Variants in RBFOX1 observed in about 807,000 individuals in gnomAD.
The protein encoded by RBFOX1 is RNA binding protein fox-1 homolog 1.
In RBFOX1, 8 loss-of-function variants were observed where a neutral mutation model predicts 57.7. The observed-to-expected ratio is 0.14, with a 90% CI of 0.08 to 0.25. RBFOX1 has a LOEUF of 0.25. Among genes scored for constraint, RBFOX1 ranks in the 10% least tolerant of loss-of-function variants. The pLI, the probability that RBFOX1 is intolerant of heterozygous loss-of-function variation, is 1.00. For synonymous variants in RBFOX1, 326 were observed against 222.4 expected, an observed-to-expected ratio of 1.47 and a Z score of -4.15; for missense variants, 611 against 548.5, an observed-to-expected ratio of 1.11 and a Z score of -1.14.
intron 3 of RBFOX1, among the ~76,000 whole-genome samples, chr16:5,622,090 GTTC>G (rs1399873716): frequency 6.6e-6 from 1 of 151,762 alleles, no homozygotes; most frequent in Non-Finnish European, 1.5e-5. Flanking sequence ...TGAAAAATGT[GTTC>G]TTCATTAAAA....
At chr16:6,233,789 T>C (rs74395448) in intron 1 of RBFOX1, among the ~76,000 whole-genome samples, 5 of 152,178 alleles carry the variant, frequency 3.3e-5, no homozygotes, top group African/African-American at 1.2e-4. Flanking sequence ...TTATTTTTTT[T>C]CCATCCGTCC....
chr16:7,264,457 C>G (rs1336170138), intron 4 of RBFOX1, among the ~76,000 whole-genome samples: 2 of 152,164 alleles, frequency 1.3e-5, no homozygotes, highest in Admixed American at 6.5e-5. Context: ...ACTCACAAAG[C>G]TAAGTCTCTG....
At chr16:5,546,670 G>C (rs1043478206) in intron 2 of RBFOX1, among the ~76,000 whole-genome samples, 2 of 152,110 alleles carry the variant, frequency 1.3e-5, no homozygotes, top group Non-Finnish European at 2.9e-5. Context: ...AGATACCATA[G>C]GAAAATCTGT....
chr16:7,316,285 C>G (rs2096437580), intron 4 of RBFOX1, among the ~76,000 whole-genome samples: 1 of 152,142 alleles, frequency 6.6e-6, no homozygotes, highest in Non-Finnish European at 1.5e-5. Flanking sequence ...TTGAGAGTTA[C>G]ATGGTACTAT....
chr16:7,191,439 G>T (rs1240927989), intron 4 of RBFOX1, among the ~76,000 whole-genome samples: 1 of 151,962 alleles, frequency 6.6e-6, no homozygotes, highest in East Asian at 1.9e-4. Context: ...CTCATGGCTT[G>T]TAACACATCA....
chr16:7,445,592 C>G (rs1166034418), intron 4 of RBFOX1, among the ~76,000 whole-genome samples: 1 of 152,202 alleles, frequency 6.6e-6, no homozygotes, highest in Non-Finnish European at 1.5e-5. Context: ...GCCCAGAAAA[C>G]TCATTGCCAT....
chr16:7,011,033 A>G (rs947104965), intron 3 of RBFOX1, among the ~76,000 whole-genome samples: 4 of 150,298 alleles, frequency 2.7e-5, no homozygotes, highest in African/African-American at 7.4e-5. Flanking sequence ...TTTCAAGTCA[A>G]TTTGTGGCCT....
At chr16:7,002,844 G>A (rs1184969158) in intron 3 of RBFOX1, among the ~76,000 whole-genome samples, 1 of 152,178 alleles carries the variant, frequency 6.6e-6, no homozygotes. Context: ...TAGGCTGATA[G>A]GAGTTTCTCT....
chr16:5,341,968 C>T (rs2065042639), intron 1 of RBFOX1, among the ~76,000 whole-genome samples: 1 of 152,160 alleles, frequency 6.6e-6, no homozygotes, highest in East Asian at 1.9e-4. Context: ...ATTTGGATCA[C>T]CCTTTTGGGA....
At chr16:6,841,650 T>A (rs2093469218) in intron 3 of RBFOX1, among the ~76,000 whole-genome samples, 1 of 152,008 alleles carries the variant, frequency 6.6e-6, no homozygotes, top group African/African-American at 2.4e-5. Flanking sequence ...TGCCGGCTCT[T>A]GAGTAGTAAC....
intron 3 of RBFOX1, among the ~76,000 whole-genome samples, chr16:6,917,989 A>G (rs1383744713): frequency 6.6e-6 from 1 of 152,138 alleles, no homozygotes; most frequent in Non-Finnish European, 1.5e-5. Context: ...CGAATTTGTT[A>G]AAAATGTACA....
intron 1 of RBFOX1, among the ~76,000 whole-genome samples, chr16:6,208,583 G>C (rs1270602609): frequency 6.6e-6 from 1 of 152,172 alleles, no homozygotes; most frequent in Non-Finnish European, 1.5e-5. Context: ...GCCTGATGTA[G>C]ATCAATCAAC....
intron 1 of RBFOX1, among the ~76,000 whole-genome samples, chr16:5,373,166 C>T (rs1189265831): frequency 6.6e-6 from 1 of 152,138 alleles, no homozygotes; most frequent in Non-Finnish European, 1.5e-5. Context: ...CCCATTGAGA[C>T]ACACAGCTGC....
chr16:7,289,326 A>T (rs935798421), intron 4 of RBFOX1, among the ~76,000 whole-genome samples: 4 of 152,138 alleles, frequency 2.6e-5, no homozygotes, highest in African/African-American at 9.7e-5. Context: ...TCTTTCCCAC[A>T]AAGGTCAATG....
At chr16:5,775,404 TGGAG>T (rs1352480085) in intron 3 of RBFOX1, among the ~76,000 whole-genome samples, 1 of 152,180 alleles carries the variant, frequency 6.6e-6, no homozygotes, top group African/African-American at 2.4e-5. Flanking sequence ...GTCACTGCGT[TGGAG>T]GGACTGATGC....
intron 2 of RBFOX1, among the ~76,000 whole-genome samples, chr16:6,516,256 T>C (rs2096376248): frequency 6.6e-6 from 1 of 152,208 alleles, no homozygotes; most frequent in African/African-American, 2.4e-5. Flanking sequence ...CTCGAACTCC[T>C]GACCTCAGGT....
At position 6,316,885 on chromosome 16, in the gene RBFOX1, G is replaced by C. The variant is rs1018086891; in HGVS notation, c.-126-110G>C. 3 of 761,670 alleles carry C rather than the reference G, an allele frequency of 3.9e-6. No homozygotes were observed. In the African/African-American group the frequency reaches 5.2e-5, roughly 13 times the overall value. The allele number at this position is 761,670 out of a possible 1,614,324, so 47.2% of individuals were successfully genotyped here. A position where few individuals can be genotyped will look rare whatever the true frequency, so the allele number is the denominator to read the frequency against. On this transcript the variant is annotated intron_variant, in intron 1 of 15. Coordinates refer to ENST00000550418, the MANE Select transcript of RBFOX1 (RefSeq NM_018723.4). ...TCATTGCTGTTAAATTCACAATATA[G>C]TCAGAACCTATTTTGAAGGTTGGTC...
chr16:6,975,269 A>T (rs1203883514), intron 3 of RBFOX1, among the ~76,000 whole-genome samples: 1 of 60,718 alleles, frequency 1.6e-5, no homozygotes, highest in Non-Finnish European at 3.2e-5. Context: ...TCCTTTTTTT[A>T]TTATTTTTTT....
chr16:7,218,490 G>T (rs2092434013), intron 4 of RBFOX1, among the ~76,000 whole-genome samples: 1 of 152,172 alleles, frequency 6.6e-6, no homozygotes, highest in Non-Finnish European at 1.5e-5. Context: ...AGTTGAGAGA[G>T]AAAATAGCAA....
Sources: allele counts gnomAD v4.1 joint callset (sites outside exome capture counted in the v4.1 genomes callset), GRCh38; gene constraint gnomAD v4.1.1; transcripts MANE v1.5; gene names NCBI Gene and HGNC (gene_info 2026-07-23, HGNC 2026-07-21).